Variants in KCNQ1OT1 observed in about 807,000 individuals in gnomAD.
KCNQ1OT1 encodes KCNQ1 opposite strand/antisense transcript 1.
Position 2,658,385 on chromosome 11 carries a change from G to A in KCNQ1OT1, n.41610C>T. The A allele has an allele frequency of 5.0e-6, 2 of 398,418 alleles. No individual in the cohort carries two copies. The highest frequency in any genetic ancestry group is 8.8e-5 in the Admixed American group (2 of 22,716). The allele number at this position is 398,418 out of a possible 1,614,324, so 24.7% of individuals were successfully genotyped here. A position where few individuals can be genotyped will look rare whatever the true frequency, so the allele number is the denominator to read the frequency against. On this transcript the variant is annotated non_coding_transcript_exon_variant, in exon 1 of 1. Transcript: ENST00000597346. The surrounding 1 kb of genome is among the most constrained non-coding windows in gnomAD (Gnocchi z 4.9). The stretch of plus-strand genomic sequence containing the variant: ...GGGAGTATTTATTTTTTGAGTTATA[G>A]TCCAATATTATTTATTTTGTTGCTC...
chr11:2,647,038 G>C lies in KCNQ1OT1; in HGVS notation n.52957C>G. 2.5e-6 allele frequency: 1 copy of C among 398,594 alleles called. No homozygotes were observed. The highest frequency in any genetic ancestry group is 1.3e-4 in the South Asian group (1 of 7,860). The allele number at this position is 398,594 out of a possible 1,614,324, so 24.7% of individuals were successfully genotyped here. ...TCTTACTCTGCTGAATAAGAATAGT[G>C]AAAGTGGGCATCCTTGTCTTGTTCT... is the stretch of plus-strand genomic sequence containing the variant. On this transcript the variant is annotated non_coding_transcript_exon_variant, in exon 1 of 1. Transcript: ENST00000597346. This position sits in a 1 kb window ranked among gnomAD's most constrained non-coding sequence, Gnocchi z 4.0.
rs1389279398 is a variant in KCNQ1OT1 at position 2,620,921 on chromosome 11, G to GT, written n.79073dup. ...AGATGGCATCCCATTATGGTTTGGTGTTTTTTTGTTGTTGTTGTTTTGTTT... is the reference window on the plus strand; with the variant it reads ...AGATGGCATCCCATTATGGTTTGGTGTTTTTTTTGTTGTTGTTGTTTTGTTT... On this transcript the variant is annotated non_coding_transcript_exon_variant, in exon 1 of 1. Coordinates refer to ENST00000597346, the Ensembl canonical transcript of KCNQ1OT1. This position sits in a 1 kb window ranked among gnomAD's most constrained non-coding sequence, Gnocchi z 4.5. 8 of 386,342 alleles carry GT rather than the reference G, an allele frequency of 2.1e-5. No individual in the cohort carries two copies. Among genetic ancestry groups the GT allele is most frequent in the East Asian group, 3.7e-5 (1 of 27,192 alleles). The allele number at this position is 386,342 out of a possible 1,614,324, so 23.9% of individuals were successfully genotyped here. A position where few individuals can be genotyped will look rare whatever the true frequency, so the allele number is the denominator to read the frequency against.
chr11:2,661,566 A>G lies in KCNQ1OT1; in HGVS notation n.38429T>C, dbSNP rs1460187972. 5 of 548,304 alleles carry G rather than the reference A, an allele frequency of 9.1e-6. No individual in the cohort carries two copies. Among genetic ancestry groups the G allele is most frequent in the Non-Finnish European group, 1.6e-5 (5 of 308,966 alleles). 34.0% of individuals were successfully genotyped at this position (548,304 alleles called of 1,614,324 possible). Reference sequence around the variant, plus strand: ...ACTCTGTCAATGTATGAGTGTGACAATGTATGGTGGTGGGAGCTGTTGTCC... The same window carrying G: ...ACTCTGTCAATGTATGAGTGTGACAGTGTATGGTGGTGGGAGCTGTTGTCC... On this transcript the variant is annotated non_coding_transcript_exon_variant, in exon 1 of 1. Transcript: ENST00000597346. The surrounding 1 kb of genome is among the most constrained non-coding windows in gnomAD (Gnocchi z 5.9).
exon 1 of KCNQ1OT1, chr11:2,693,352 G>C: frequency 2.5e-6 from 1 of 398,758 alleles, no homozygotes; most frequent in Non-Finnish European, 4.4e-6. Flanking sequence ...CCAGACCCTG[G>C]GTGGGGGCCG....
chr11:2,663,996 G>A lies in KCNQ1OT1; in HGVS notation n.35999C>T, dbSNP rs1407379865. ...CATCCCCAAGCTCTCTGCCCACTTTGGGTCTGGCACATTACCATTCTGCAA... is the reference window on the plus strand; with the variant it reads ...CATCCCCAAGCTCTCTGCCCACTTTAGGTCTGGCACATTACCATTCTGCAA... On this transcript the variant is annotated non_coding_transcript_exon_variant, in exon 1 of 1. Coordinates refer to ENST00000597346, the Ensembl canonical transcript of KCNQ1OT1. This position sits in a 1 kb window ranked among gnomAD's most constrained non-coding sequence, Gnocchi z 5.2. The A allele has an allele frequency of 2.5e-6, 1 of 398,698 alleles. No individual in the cohort carries two copies. The highest frequency in any genetic ancestry group is 4.4e-5 in the Admixed American group (1 of 22,738). 24.7% of individuals were successfully genotyped at this position (398,698 alleles called of 1,614,324 possible). A position where few individuals can be genotyped will look rare whatever the true frequency, so the allele number is the denominator to read the frequency against.
chr11:2,660,503 C>G, exon 1 of KCNQ1OT1: 1 of 398,542 alleles, frequency 2.5e-6, no homozygotes. Context: ...CCTCATATAA[C>G]AAGGAGTTAA....
rs1005994118 is a variant in KCNQ1OT1 at position 2,658,125 on chromosome 11, A to G, written n.41870T>C. On this transcript the variant is annotated non_coding_transcript_exon_variant, in exon 1 of 1. Transcript: ENST00000597346. This position sits in a 1 kb window ranked among gnomAD's most constrained non-coding sequence, Gnocchi z 4.9. The stretch of plus-strand genomic sequence containing the variant: ...AGGAGAGTATCAAAAAAAATCTGCA[A>G]ATATGTTAAAACTACCACAGCAATT... The G allele has an allele frequency of 2.5e-6, 1 of 398,492 alleles. No homozygotes were observed. The highest frequency in any genetic ancestry group is 2.1e-5 in the African/African-American group (1 of 48,628). 24.7% of individuals were successfully genotyped at this position (398,492 alleles called of 1,614,324 possible). A position where few individuals can be genotyped will look rare whatever the true frequency, so the allele number is the denominator to read the frequency against.
chr11:2,609,369 A>G lies in KCNQ1OT1; in HGVS notation n.90626T>C, dbSNP rs940107026. The G allele has an allele frequency of 7.5e-6, 3 of 398,296 alleles. No homozygotes were observed. In the Admixed American group the frequency reaches 1.3e-4, roughly 18 times the overall value. The allele number at this position is 398,296 out of a possible 1,614,324, so 24.7% of individuals were successfully genotyped here. A position where few individuals can be genotyped will look rare whatever the true frequency, so the allele number is the denominator to read the frequency against. The stretch of plus-strand genomic sequence containing the variant: ...TACTGAGTTCTACTTTTATTTCATT[A>G]TATTCAGAAAAAGATACCTTGTATT... On this transcript the variant is annotated non_coding_transcript_exon_variant, in exon 1 of 1. Transcript: ENST00000597346.
In KCNQ1OT1 at chr11:2,624,212, A is replaced by G. The variant is rs376533025; in HGVS notation, n.75783T>C. 1.3e-5 allele frequency: 5 copies of G among 398,604 alleles called. No homozygotes were observed. Among genetic ancestry groups the G allele is most frequent in the South Asian group, 1.3e-4 (1 of 7,856 alleles). 24.7% of individuals were successfully genotyped at this position (398,604 alleles called of 1,614,324 possible). ...TCATATACTTAGTTGCCATCTGTAT[A>G]TCTTCATTGGTGAGATGTCTGTTAA... On this transcript the variant is annotated non_coding_transcript_exon_variant, in exon 1 of 1. Transcript: ENST00000597346. This position sits in a 1 kb window ranked among gnomAD's most constrained non-coding sequence, Gnocchi z 4.9.
exon 1 of KCNQ1OT1, chr11:2,609,198 T>A (rs1458445304): frequency 5.0e-6 from 2 of 398,296 alleles, no homozygotes; most frequent in African/African-American, 2.1e-5. Flanking sequence ...TTTAAATGTA[T>A]CCCATAAGTT....
exon 1 of KCNQ1OT1, chr11:2,675,514 A>G (rs7128926): frequency 0.21 from 84,226 of 398,612 alleles, 9,770 homozygotes; most frequent in Middle Eastern, 0.31. Context: ...ACAACATGCC[A>G]TACACATTTC....
At chr11:2,639,622 A>G (rs1196851030) in exon 1 of KCNQ1OT1, 1 of 152,330 alleles carries the variant, frequency 6.6e-6, no homozygotes, top group Non-Finnish European at 1.5e-5. Context: ...GTCTGCCCCT[A>G]CTGGGGAGTG....
At chr11:2,634,327 TCCC>T (rs1554900017) in exon 1 of KCNQ1OT1, 2 of 92,924 alleles carry the variant, frequency 2.2e-5, no homozygotes, top group African/African-American at 1.3e-4. Context: ...CCCTCCCCCC[TCCC>T]CCCCCACCCC....
In KCNQ1OT1 at chr11:2,620,224, AT is replaced by A. The variant is rs1346302503; in HGVS notation, n.79770del. 4.4e-3 allele frequency: 988 copies of A among 224,250 alleles called. 1 individual carries two copies. Among genetic ancestry groups the A allele is most frequent in the East Asian group, 6.8e-3 (84 of 12,276 alleles). 13.9% of individuals were successfully genotyped at this position (224,250 alleles called of 1,614,324 possible). A position where few individuals can be genotyped will look rare whatever the true frequency, so the allele number is the denominator to read the frequency against. ...GTATATATATATATTTTTTTTTTTT[AT>A]TTTTTTTTTAGACGGAGTTTCGCTC... On this transcript the variant is annotated non_coding_transcript_exon_variant, in exon 1 of 1. Transcript: ENST00000597346. This position sits in a 1 kb window ranked among gnomAD's most constrained non-coding sequence, Gnocchi z 4.5.
chr11:2,685,082 G>T (rs1046333541), exon 1 of KCNQ1OT1: 3 of 398,516 alleles, frequency 7.5e-6, no homozygotes, highest in Non-Finnish European at 1.3e-5. Context: ...GAGAATTACA[G>T]ATTCCAGGGA....
chr11:2,609,249 G>T (rs7104624), exon 1 of KCNQ1OT1: 1 of 397,950 alleles, frequency 2.5e-6, no homozygotes, highest in African/African-American at 2.1e-5. Flanking sequence ...CTCAAAGTAC[G>T]TTCCATTTCC....
chr11:2,651,673 C>G lies in KCNQ1OT1; in HGVS notation n.48322G>C. The G allele has an allele frequency of 7.5e-6, 3 of 398,698 alleles. No individual in the cohort carries two copies. The Admixed American group carries it at 1.3e-4, about 18-fold the overall frequency. The allele number at this position is 398,698 out of a possible 1,614,324, so 24.7% of individuals were successfully genotyped here. On this transcript the variant is annotated non_coding_transcript_exon_variant, in exon 1 of 1. Transcript: ENST00000597346. This position sits in a 1 kb window ranked among gnomAD's most constrained non-coding sequence, Gnocchi z 6.1. ...TCCCACAGCTCACTGACATTAGCCA[C>G]GTGGCCCTCTGTTTCCTGTAATAGG...
chr11:2,685,175 A>T (rs1163805176), exon 1 of KCNQ1OT1: 1 of 398,650 alleles, frequency 2.5e-6, no homozygotes, highest in Non-Finnish European at 4.4e-6. Context: ...CCCCATCTGC[A>T]TGGAATGCCC....
exon 1 of KCNQ1OT1, chr11:2,625,450 T>A (rs1849247144): frequency 2.5e-6 from 1 of 398,556 alleles, no homozygotes; most frequent in South Asian, 1.3e-4. Context: ...ATAGTAGTCA[T>A]CTGAGTGTAT....
Sources: allele counts gnomAD v4.1 joint callset, GRCh38; gene constraint gnomAD v4.1.1; non-coding constraint Gnocchi (gnomAD v3.1); transcripts MANE v1.5; gene names NCBI Gene and HGNC (gene_info 2026-07-23, HGNC 2026-07-21).